The following MCF2 variants were observed in gnomAD, a reference collection of about 807,000 sequenced individuals.
MCF2 encodes proto-oncogene DBL.
Under a neutral mutation model 82.5 loss-of-function variants are expected in MCF2, and 44 were observed. That is an observed-to-expected ratio of 0.53 (90% CI 0.42 to 0.69). The LOEUF (loss-of-function observed/expected upper bound fraction) is 0.69. Among genes scored for constraint, MCF2 ranks in the 30% least tolerant of loss-of-function variants. MCF2 has a pLI of 0.00. For missense variants in MCF2, 623 were observed against 663.1 expected (o/e 0.94, Z 0.66); for synonymous variants, 217 against 224.9 (o/e 0.96, Z 0.32).
At position 139,632,252 on chromosome X, in the gene MCF2, T is replaced by C. The variant is rs774904077; in HGVS notation, c.171+83A>G. ...TAATTTTTTTCTTTTAAATGACACA[T>C]GGGCACATGTAAAATATAAACAGCA... On this transcript the variant is annotated intron_variant, in intron 2 of 24. Transcript: ENST00000370576. 9 of 758,001 alleles carry C rather than the reference T, an allele frequency of 1.2e-5. No homozygotes were observed. In the African/African-American group the frequency reaches 1.5e-4, roughly 13 times the overall value. The allele number at this position is 758,001 out of a possible 1,213,427, so 62.5% of individuals were successfully genotyped here.
chrX:139,612,397 A>G (rs1365961911), intron 10 of MCF2, among the ~76,000 whole-genome samples: 1 of 111,166 alleles, frequency 9.0e-6, no homozygotes, highest in Non-Finnish European at 1.9e-5. Context: ...CTCAAGTCAC[A>G]TTTTACATTT....
chrX:139,707,659 G>A (rs906356350), intron 1 of MCF2, among the ~76,000 whole-genome samples: 1 of 111,565 alleles, frequency 9.0e-6, no homozygotes, highest in Non-Finnish European at 1.9e-5. Flanking sequence ...ATCCCTAGAC[G>A]GCTCAGAGAC....
At chrX:139,600,238 C>A (rs184088158) in intron 16 of MCF2, among the ~76,000 whole-genome samples, 2 of 111,061 alleles carry the variant, frequency 1.8e-5, no homozygotes, top group East Asian at 5.7e-4. Context: ...CCTTGTGAAT[C>A]TAGTAAAACC....
At chrX:139,614,507 A>ATGTGTG (rs10578610) in intron 10 of MCF2, among the ~76,000 whole-genome samples, 4 of 103,011 alleles carry the variant, frequency 3.9e-5, no homozygotes, top group East Asian at 6.4e-4. Flanking sequence ...AGCAGTAAAT[A>ATGTGTG]TGTGTGTGTG....
upstream of MCF2, among the ~76,000 whole-genome samples, chrX:139,647,388 A>T (rs1334761582): frequency 8.9e-6 from 1 of 112,178 alleles, no homozygotes; most frequent in Admixed American, 9.4e-5. Context: ...TGGAAGAAAC[A>T]ACAAAAGGAA....
exon 23 of MCF2, chrX:139,586,472 A>T: frequency 8.3e-7 from 1 of 1,197,636 alleles, no homozygotes; most frequent in Non-Finnish European, 1.1e-6. Context: ...TACTTATAAA[A>T]GCTCCCTGTT....
At chrX:139,699,945 T>C (rs1232270845) in intron 1 of MCF2, among the ~76,000 whole-genome samples, 1 of 112,155 alleles carries the variant, frequency 8.9e-6, no homozygotes, top group Non-Finnish European at 1.9e-5. Context: ...GGACAAACTT[T>C]CCAAGGCCTC....
At chrX:139,676,142 T>C (rs1257433954) in intron 1 of MCF2, among the ~76,000 whole-genome samples, 2 of 112,709 alleles carry the variant, frequency 1.8e-5, no homozygotes, top group Non-Finnish European at 3.8e-5. Context: ...GTGTGAGATA[T>C]AATCTCCTGG....
At chrX:139,631,286 T>C in intron 3 of MCF2, 109 bp downstream of exon 6, 1 of 398,762 alleles carries the variant, frequency 2.5e-6, no homozygotes, top group Non-Finnish European at 4.2e-6. Flanking sequence ...CTGGGGTTTT[T>C]TTGTTTTGTT....
intron 11 of MCF2, among the ~76,000 whole-genome samples, chrX:139,608,782 T>C (rs1194889009): frequency 1.8e-5 from 2 of 111,819 alleles, no homozygotes; most frequent in Admixed American, 9.5e-5. Context: ...TAGCAAGCAA[T>C]GGCATTCTTT....
At chrX:139,678,241 G>A (rs1934918916) in intron 1 of MCF2, among the ~76,000 whole-genome samples, 1 of 111,768 alleles carries the variant, frequency 8.9e-6, no homozygotes, top group African/African-American at 3.3e-5. Context: ...TCATTACTTA[G>A]GCGAATATCT....
chrX:139,700,622 C>T (rs1935473941), intron 1 of MCF2, among the ~76,000 whole-genome samples: 2 of 111,732 alleles, frequency 1.8e-5, no homozygotes, highest in South Asian at 7.6e-4. Flanking sequence ...CAGTCACTGG[C>T]TCTGTGGCTG....
Position 139,617,738 on chromosome X carries a change from A to G in MCF2, c.808-34T>C, listed in dbSNP as rs1254473973. Reference sequence around the variant, plus strand: ...AACAAAGACAAAAAATAATGAATACATGATCTCTGTTCCTATAGAGAAAAA... The same window carrying G: ...AACAAAGACAAAAAATAATGAATACGTGATCTCTGTTCCTATAGAGAAAAA... On this transcript the variant is annotated intron_variant, in intron 7 of 24. Transcript: ENST00000370576. The G allele has an allele frequency of 3.2e-6, 3 of 933,330 alleles. No individual in the cohort carries two copies. In the Admixed American group the frequency reaches 9.0e-5, roughly 28 times the overall value. 76.9% of individuals were successfully genotyped at this position (933,330 alleles called of 1,213,427 possible). A position where few individuals can be genotyped will look rare whatever the true frequency, so the allele number is the denominator to read the frequency against.
At chrX:139,622,443 T>C (rs372439883) in intron 6 of MCF2, among the ~76,000 whole-genome samples, 1 of 111,685 alleles carries the variant, frequency 9.0e-6, no homozygotes, top group Non-Finnish European at 1.9e-5. Flanking sequence ...ATGTTTATTG[T>C]GGCACTATTC....
rs1430173258 is a variant in MCF2, at chrX:139,692,163, C to T, written c.-45+15943G>A. ...CCGCCTTGGCGAACCCAGGTAGGGC[C>T]GGGCCCCTGCCGCTGCCATCCTCAC... On this transcript the variant is annotated intron_variant, in intron 1 of 27. Transcript: ENST00000414978. 4 of 1,051,295 alleles carry T rather than the reference C, an allele frequency of 3.8e-6. No homozygotes were observed. The South Asian group carries it at 6.3e-5, about 17-fold the overall frequency. The allele number at this position is 1,051,295 out of a possible 1,213,427, so 86.6% of individuals were successfully genotyped here. A position where few individuals can be genotyped will look rare whatever the true frequency, so the allele number is the denominator to read the frequency against.
rs371000746 is a variant in MCF2, at chrX:139,584,719, A to G, written c.2745+347T>C. On this transcript the variant is annotated intron_variant, in intron 24 of 24. Coordinates refer to ENST00000370576, the Ensembl canonical transcript of MCF2. ...TAATCTGGAATCCAAACTGGTTTTT[A>G]AAGTGTATTTGAAGCCCCTTTGTTC... 1.1e-4 allele frequency among the ~76,000 whole-genome samples: 12 copies of G among 111,762 alleles called. No homozygotes were observed. In the Admixed American group the frequency reaches 1.1e-3, roughly 11 times the overall value.
At chrX:139,606,570 GCTGGTCTCGAACTC>G (rs890988014) in intron 12 of MCF2, among the ~76,000 whole-genome samples, 10 of 111,172 alleles carry the variant, frequency 9.0e-5, no homozygotes, top group African/African-American at 3.3e-4. Context: ...TGTTTGTCAG[GCTGGTCTCGAACTC>G]CTGACCTCAA....
intron 15 of MCF2, among the ~76,000 whole-genome samples, chrX:139,602,789 G>A (rs1203538456): frequency 2.7e-5 from 3 of 112,016 alleles, no homozygotes; most frequent in Non-Finnish European, 5.6e-5. Context: ...TTTGCATAAC[G>A]ATGAACTAAT....
intron 1 of MCF2, among the ~76,000 whole-genome samples, chrX:139,660,919 C>T (rs1033185589): frequency 1.8e-5 from 2 of 111,362 alleles, no homozygotes; most frequent in Admixed American, 1.9e-4. Context: ...CCTCACCTCA[C>T]AAAGCATAAA....
Sources: allele counts gnomAD v4.1 joint callset (sites outside exome capture counted in the v4.1 genomes callset), GRCh38; gene constraint gnomAD v4.1.1; transcripts MANE v1.5; gene names NCBI Gene and HGNC (gene_info 2026-07-23, HGNC 2026-07-21).